The following NTNG1 variants were observed in gnomAD, a reference collection of about 807,000 sequenced individuals.
NTNG1 encodes the protein netrin G1, also known as netrin-G1.
In NTNG1, 16 loss-of-function variants were observed where a neutral mutation model predicts 54.0. The observed-to-expected ratio is 0.30, with a 90% CI of 0.20 to 0.45. NTNG1 has a LOEUF of 0.45. NTNG1 is among the 20% of genes least tolerant of loss of function. The probability of loss-of-function intolerance (pLI) is 1.00; values close to 1 mark genes in which losing one functional copy is unlikely to be tolerated. For missense variants in NTNG1, 530 were observed against 678.7 expected (o/e 0.78, Z 2.43); for synonymous variants, 255 against 263.1 (o/e 0.97, Z 0.30).
intron 3 of NTNG1, among the ~76,000 whole-genome samples, chr1:107,365,849 T>C (rs1670565793): frequency 6.6e-6 from 1 of 152,230 alleles, no homozygotes; most frequent in South Asian, 2.1e-4. Context: ...TTTTATTTTA[T>C]GTTCATTCAA....
At chr1:107,252,292 T>C (rs1292834448) in intron 2 of NTNG1, among the ~76,000 whole-genome samples, 1 of 152,254 alleles carries the variant, frequency 6.6e-6, no homozygotes, top group Non-Finnish European at 1.5e-5. Flanking sequence ...GCTGATTTGC[T>C]ACTTGCTAAT....
At chr1:107,364,231 A>G (rs1460162936) in intron 3 of NTNG1, among the ~76,000 whole-genome samples, 1 of 152,176 alleles carries the variant, frequency 6.6e-6, no homozygotes, top group Non-Finnish European at 1.5e-5. Context: ...ACTATTTTGT[A>G]TTCGGAATTT....
At chr1:107,374,344 T>C (rs775543113) in intron 3 of NTNG1, among the ~76,000 whole-genome samples, 19 of 152,198 alleles carry the variant, frequency 1.2e-4, no homozygotes, top group Non-Finnish European at 2.6e-4. Flanking sequence ...CTCTCTCTTC[T>C]CCTTTGACTA....
chr1:107,318,595 A>G (rs1667469831), intron 2 of NTNG1, among the ~76,000 whole-genome samples: 1 of 152,128 alleles, frequency 6.6e-6, no homozygotes, highest in Admixed American at 6.5e-5. Flanking sequence ...TGCAAAAGTT[A>G]TGGCCACAGT....
At chr1:107,275,945 C>G (rs1664447274) in intron 2 of NTNG1, among the ~76,000 whole-genome samples, 1 of 152,200 alleles carries the variant, frequency 6.6e-6, no homozygotes, top group Non-Finnish European at 1.5e-5. Context: ...AAGGGCTTCT[C>G]TCTTATTTTC....
intron 2 of NTNG1, among the ~76,000 whole-genome samples, chr1:107,151,450 C>A (rs1057496348): frequency 4.6e-5 from 7 of 152,144 alleles, no homozygotes; most frequent in Non-Finnish European, 1.0e-4. Context: ...TACCTGCTCC[C>A]TCAGAGTCAT....
At chr1:107,384,954 T>C (rs1462325554) in intron 3 of NTNG1, among the ~76,000 whole-genome samples, 3 of 152,220 alleles carry the variant, frequency 2.0e-5, no homozygotes, top group Non-Finnish European at 4.4e-5. Context: ...ACTGTCAAAC[T>C]CTGGGTTTTT....
At chr1:107,288,561 T>A (rs943477734) in intron 2 of NTNG1, among the ~76,000 whole-genome samples, 1 of 152,076 alleles carries the variant, frequency 6.6e-6, no homozygotes, top group Non-Finnish European at 1.5e-5. Context: ...TTCTAAGAGT[T>A]GTTGAAAACA....
intron 2 of NTNG1, among the ~76,000 whole-genome samples, chr1:107,157,898 A>G (rs1655119014): frequency 6.6e-6 from 1 of 152,096 alleles, no homozygotes; most frequent in South Asian, 2.1e-4. Context: ...TCTTTTTGCC[A>G]TAGAACAGAT....
chr1:107,341,765 G>A (rs956219943), intron 3 of NTNG1, among the ~76,000 whole-genome samples: 1 of 152,008 alleles, frequency 6.6e-6, no homozygotes, highest in Admixed American at 6.6e-5. Flanking sequence ...AAAGAGTTTG[G>A]GATTTCTTTT....
intron 2 of NTNG1, among the ~76,000 whole-genome samples, chr1:107,214,851 T>C (rs960058828): frequency 4.6e-5 from 7 of 152,102 alleles, no homozygotes; most frequent in Non-Finnish European, 8.8e-5. Flanking sequence ...GGTATCACAT[T>C]GTGGTTTGAT....
intron 7 of NTNG1, among the ~76,000 whole-genome samples, chr1:107,469,871 T>C (rs998797054): frequency 6.9e-6 from 1 of 144,542 alleles, no homozygotes; most frequent in East Asian, 2.0e-4. Flanking sequence ...GCAGAAATAG[T>C]TTTTTTTTTT....
intron 3 of NTNG1, among the ~76,000 whole-genome samples, chr1:107,348,083 C>T (rs1669363504): frequency 1.4e-5 from 2 of 139,378 alleles, no homozygotes; most frequent in Non-Finnish European, 3.1e-5. Flanking sequence ...TATTGGTACC[C>T]AGTTTTTTTG....
intron 2 of NTNG1, among the ~76,000 whole-genome samples, chr1:107,186,446 G>A (rs916450024): frequency 3.9e-5 from 6 of 152,222 alleles, no homozygotes; most frequent in African/African-American, 4.8e-5. Context: ...TACACTTAGC[G>A]TAAAATCCAG....
intron 2 of NTNG1, among the ~76,000 whole-genome samples, chr1:107,150,978 C>T (rs146306112): frequency 2.6e-5 from 4 of 152,228 alleles, no homozygotes; most frequent in African/African-American, 4.8e-5. Context: ...CATGAAACTC[C>T]GTAGGACAGT....
intron 2 of NTNG1, among the ~76,000 whole-genome samples, chr1:107,183,926 A>G (rs1471487042): frequency 6.6e-6 from 1 of 152,090 alleles, no homozygotes; most frequent in Non-Finnish European, 1.5e-5. Flanking sequence ...TCCTGCCACA[A>G]TCTGATTACT....
intron 2 of NTNG1, among the ~76,000 whole-genome samples, chr1:107,319,840 T>TA (rs1437515395): frequency 2.7e-5 from 4 of 147,154 alleles, no homozygotes; most frequent in Non-Finnish European, 6.0e-5. Context: ...CCGGAAGTGT[T>TA]ACATTAATAT....
At chr1:107,370,168 G>T (rs1670829281) in intron 3 of NTNG1, among the ~76,000 whole-genome samples, 1 of 145,926 alleles carries the variant, frequency 6.9e-6, no homozygotes. Context: ...TTTGTTCTTT[G>T]TAAAAATTGT....
intron 2 of NTNG1, among the ~76,000 whole-genome samples, chr1:107,253,158 G>A (rs1662717643): frequency 6.6e-6 from 1 of 152,138 alleles, no homozygotes; most frequent in Non-Finnish European, 1.5e-5. Flanking sequence ...GCTTTCATGG[G>A]TTAAAACAGT....
Sources: gnomAD v4.1 joint callset for allele counts (sites outside exome capture counted in the v4.1 genomes callset) on GRCh38, gnomAD v4.1.1 for gene constraint, MANE v1.5 for transcripts, NCBI Gene and HGNC (gene_info 2026-07-23, HGNC 2026-07-21) for gene names.